Variants in SLC5A3 observed in about 807,000 individuals in gnomAD.
SLC5A3 encodes solute carrier family 5 member 3.
SLC5A3 carries 10 observed loss-of-function variants against 43.2 expected under a neutral mutation model. The observed-to-expected ratio is 0.23, with a 90% CI of 0.14 to 0.39. The LOEUF (loss-of-function observed/expected upper bound fraction) is 0.39, where lower values mean the gene tolerates loss of function less well. Among genes scored for constraint, SLC5A3 ranks in the 10% least tolerant of loss-of-function variants. The pLI is 1.00. For missense variants in SLC5A3, 608 were observed against 893.4 expected, an observed-to-expected ratio of 0.68 and a Z score of 4.07; for synonymous variants, 349 against 322.0, an observed-to-expected ratio of 1.08 and a Z score of -0.90.
At chr21:34,083,735 G>C (rs1393856504) in intron 1 of SLC5A3, among the ~76,000 whole-genome samples, 2 of 152,184 alleles carry the variant, frequency 1.3e-5, no homozygotes, top group African/African-American at 2.4e-5. Flanking sequence ...TAGCACTGTT[G>C]GTCTCATGGG....
intron 1 of SLC5A3, among the ~76,000 whole-genome samples, chr21:34,091,745 A>G (rs532948043): frequency 6.6e-6 from 1 of 152,262 alleles, no homozygotes; most frequent in South Asian, 2.1e-4. Flanking sequence ...GAAGAAGGGG[A>G]ATCTGCTCTG....
In SLC5A3 at chr21:34,103,581, G is replaced by A. The variant is rs1392372061; in HGVS notation, c.*6226G>A. The A allele has an allele frequency of 2.0e-6, 2 of 999,974 alleles. No individual in the cohort carries two copies. Among genetic ancestry groups the A allele is most frequent in the African/African-American group, 1.7e-5 (1 of 57,194 alleles). The allele number at this position is 999,974 out of a possible 1,614,324, so 61.9% of individuals were successfully genotyped here. On this transcript the variant is annotated 3_prime_UTR_variant, in exon 2 of 2. Coordinates refer to ENST00000381151, the MANE Select transcript of SLC5A3 (RefSeq NM_006933.7). ...TAAAGTCCATAGAAAGCACAAAATC[G>A]TGTTCACACATTAGTGTACCCACAC... is the stretch of plus-strand genomic sequence containing the variant.
At chr21:34,093,398 G>A (rs1169841068) in intron 1 of SLC5A3, among the ~76,000 whole-genome samples, 13 of 152,146 alleles carry the variant, frequency 8.5e-5, no homozygotes, top group Admixed American at 8.5e-4. Flanking sequence ...TATCCAGGCA[G>A]TTTTTTCTGC....
At chr21:34,082,772 T>C (rs1989488210) in intron 1 of SLC5A3, among the ~76,000 whole-genome samples, 1 of 152,126 alleles carries the variant, frequency 6.6e-6, no homozygotes, top group African/African-American at 2.4e-5. Flanking sequence ...ATAGATAACA[T>C]CAAATTGCAA....
At chr21:34,076,060 T>A (rs1042207242) in intron 1 of SLC5A3, among the ~76,000 whole-genome samples, 1 of 152,200 alleles carries the variant, frequency 6.6e-6, no homozygotes, top group Non-Finnish European at 1.5e-5. Flanking sequence ...ACCCCTTTAA[T>A]ATGATGTATT....
chr21:34,086,752 G>A lies in SLC5A3; in HGVS notation c.-336-8111G>A, dbSNP rs140659555. ...GTGTAAAAATAGTGGTTGGCACATG[G>A]TGTTTGGTAAATGCTAGTTACTAAG... On this transcript the variant is annotated intron_variant, in intron 1 of 1. Coordinates refer to ENST00000381151, the MANE Select transcript of SLC5A3 (RefSeq NM_006933.7). Among the ~76,000 whole-genome samples, 1,004 of 152,272 alleles carry A rather than the reference G, an allele frequency of 6.6e-3. 9 individuals are homozygous for A. The highest frequency in any genetic ancestry group is 0.014 in the Middle Eastern group (4 of 294).
Position 34,097,610 on chromosome 21 carries a change from G to GA in SLC5A3, c.*257dup. The GA allele has an allele frequency of 8.3e-7, 1 of 1,208,288 alleles. No individual in the cohort carries two copies. Among genetic ancestry groups the GA allele is most frequent in the Non-Finnish European group, 1.0e-6 (1 of 961,652 alleles). 74.8% of individuals were successfully genotyped at this position (1,208,288 alleles called of 1,614,324 possible). A position where few individuals can be genotyped will look rare whatever the true frequency, so the allele number is the denominator to read the frequency against. On this transcript the variant is annotated 3_prime_UTR_variant, in exon 2 of 2. Transcript: ENST00000381151. Reference sequence around the variant, plus strand: ...TTTTAAATTTTGCATACCAAAGTAAGAAGAGACCAATTATTCTCACAGAGC... The same window carrying GA: ...TTTTAAATTTTGCATACCAAAGTAAGAAAGAGACCAATTATTCTCACAGAGC...
intron 1 of SLC5A3, among the ~76,000 whole-genome samples, chr21:34,074,926 CCTCT>C (rs940743693): frequency 2.6e-4 from 39 of 152,268 alleles, no homozygotes; most frequent in African/African-American, 9.1e-4. Flanking sequence ...GACGCCAGTG[CCTCT>C]CTATGAGGTC....
At chr21:34,085,600 C>CTTTTTT (rs56135810) in intron 1 of SLC5A3, among the ~76,000 whole-genome samples, 1 of 130,270 alleles carries the variant, frequency 7.7e-6, no homozygotes, top group Non-Finnish European at 1.6e-5. Context: ...GAAATAAGGA[C>CTTTTTT]TTTTTTTTTT....
rs550922007 is a variant in SLC5A3 at position 34,104,265 on chromosome 21, A to G, written c.*6910A>G. ...ACAATGGGGTGGAGAGGATTCTTTCACTTGTCCCATTAACCCTCTTCTAGT... is the reference window on the plus strand; with the variant it reads ...ACAATGGGGTGGAGAGGATTCTTTCGCTTGTCCCATTAACCCTCTTCTAGT... On this transcript the variant is annotated 3_prime_UTR_variant, in exon 2 of 2. Coordinates refer to ENST00000381151, the MANE Select transcript of SLC5A3 (RefSeq NM_006933.7). 2.5e-5 allele frequency: 25 copies of G among 1,000,142 alleles called. No individual in the cohort carries two copies. The East Asian group carries it at 1.0e-3, about 41-fold the overall frequency. The allele number at this position is 1,000,142 out of a possible 1,614,324, so 62.0% of individuals were successfully genotyped here.
chr21:34,093,592 A>G (rs1328848291), intron 1 of SLC5A3, among the ~76,000 whole-genome samples: 2 of 152,172 alleles, frequency 1.3e-5, no homozygotes, highest in African/African-American at 2.4e-5. Context: ...ATCATCAGAA[A>G]AAGCATGGAA....
chr21:34,093,687 T>A (rs1892659), intron 1 of SLC5A3, among the ~76,000 whole-genome samples: 152,364 of 152,364 alleles, frequency 1, 76,182 homozygotes, highest in Non-Finnish European at 1. Flanking sequence ...TTGAATAAAA[T>A]TGTTGTTCGT....
In SLC5A3 at chr21:34,096,512, C is replaced by T. The variant is rs1164167732; in HGVS notation, c.1314C>T (p.Tyr438=). The change falls in exon 2 of 2, where the codon TAC becomes TAT. Residue 438 remains tyrosine, a synonymous_variant. Transcript: ENST00000381151. The surrounding 1 kb of genome is among the most constrained non-coding windows in gnomAD (Gnocchi z 5.9). ...TGGAGATGCAAGGAGGCCAGATGTA[C>T]CTTTACATTCAGGAGGTAGCAGATT... The part of the protein sequence containing the change: ...IIVEMQGGQM[Y]LYIQEVADYL... The T allele has an allele frequency of 1.9e-6, 3 of 1,614,116 alleles. No individual in the cohort carries two copies. Among genetic ancestry groups the T allele is most frequent in the South Asian group, 2.2e-5 (2 of 91,084 alleles).
chr21:34,092,724 T>C (rs553837438), intron 1 of SLC5A3, among the ~76,000 whole-genome samples: 4 of 152,306 alleles, frequency 2.6e-5, no homozygotes, highest in Non-Finnish European at 4.4e-5. Context: ...TCTGAACAAA[T>C]AAGCTGCAGC....
chr21:34,095,666 G>A lies in SLC5A3; in HGVS notation c.468G>A (p.Trp156Ter). ...TTTTTATCCAGGAGTCTTTGGGTTGGAATCTTTATGTGTCTGTCATCCTGC... is the reference window on the plus strand; with the variant it reads ...TTTTTATCCAGGAGTCTTTGGGTTGAAATCTTTATGTGTCTGTCATCCTGC... The part of the protein sequence containing the change: ...GALFIQESLG[W>*]NLYVSVILLI... The change falls in exon 2 of 2, where the codon TGG becomes TGA. Residue 156 changes from tryptophan (W) to a stop codon, truncating the protein, a stop_gained. Coordinates refer to ENST00000381151, the MANE Select transcript of SLC5A3 (RefSeq NM_006933.7). LOFTEE classifies it high-confidence loss of function. 6.2e-7 allele frequency: 1 copy of A among 1,613,482 alleles called. No individual in the cohort carries two copies. Among genetic ancestry groups the A allele is most frequent in the Non-Finnish European group, 8.5e-7 (1 of 1,179,864 alleles).
rs148124273 is a variant in SLC5A3 at position 34,104,332 on chromosome 21, CG to C, written c.*6978del. 596 of 998,862 alleles carry C rather than the reference CG, an allele frequency of 6.0e-4. 4 individuals carry two copies. In the African/African-American group the frequency reaches 9.6e-3, roughly 16 times the overall value. The allele number at this position is 998,862 out of a possible 1,614,324, so 61.9% of individuals were successfully genotyped here. On this transcript the variant is annotated 3_prime_UTR_variant, in exon 2 of 2. Coordinates refer to ENST00000381151, the MANE Select transcript of SLC5A3 (RefSeq NM_006933.7). Reference sequence around the variant, plus strand: ...CTGTTAATGTGTGTGTAGAAGAAAACGTATGTTCTTCTACTCAGCATTGCCC... The same window carrying C: ...CTGTTAATGTGTGTGTAGAAGAAAACTATGTTCTTCTACTCAGCATTGCCC...
At chr21:34,076,882 T>C (rs904922884) in intron 1 of SLC5A3, among the ~76,000 whole-genome samples, 2 of 152,236 alleles carry the variant, frequency 1.3e-5, no homozygotes, top group Non-Finnish European at 2.9e-5. Context: ...GAGAGTTTTA[T>C]TCACTTCTGG....
Position 34,100,573 on chromosome 21 carries a change from G to A in SLC5A3, c.*3218G>A. The A allele has an allele frequency of 5.0e-6, 5 of 1,000,214 alleles. No individual in the cohort carries two copies. Among genetic ancestry groups the A allele is most frequent in the Non-Finnish European group, 6.0e-6 (5 of 829,992 alleles). The allele number at this position is 1,000,214 out of a possible 1,614,324, so 62.0% of individuals were successfully genotyped here. A position where few individuals can be genotyped will look rare whatever the true frequency, so the allele number is the denominator to read the frequency against. ...ATTGTATTTTGGCACAAAGAGCCTG[G>A]CCAGGGTCATGTAGCCATAGCTCTT... On this transcript the variant is annotated 3_prime_UTR_variant, in exon 2 of 2. Transcript: ENST00000381151.
At chr21:34,091,569 A>G (rs577722957) in intron 1 of SLC5A3, among the ~76,000 whole-genome samples, 54 of 152,142 alleles carry the variant, frequency 3.5e-4, no homozygotes, top group Middle Eastern at 6.8e-3. Flanking sequence ...TTCTCTTTCT[A>G]TTTGGTCAAA....
Sources: allele counts gnomAD v4.1 joint callset (sites outside exome capture counted in the v4.1 genomes callset), GRCh38; gene constraint gnomAD v4.1.1; non-coding constraint Gnocchi (gnomAD v3.1); transcripts MANE v1.5; gene names NCBI Gene and HGNC (gene_info 2026-07-23, HGNC 2026-07-21).